The following HEATR6 variants were observed in gnomAD, a reference collection of about 807,000 sequenced individuals.
HEATR6 encodes the protein HEAT repeat-containing protein 6.
A neutral mutation model predicts 132.8 loss-of-function variants in HEATR6; 106 were observed. That is an observed-to-expected ratio of 0.80 (90% CI 0.68 to 0.94). HEATR6 has a LOEUF of 0.94. HEATR6 is among the 40% of genes least tolerant of loss of function. The pLI, the probability that HEATR6 is intolerant of heterozygous loss-of-function variation, is 0.00. For missense variants in HEATR6, 1,339 were observed against 1,425.1 expected (o/e 0.94, Z 0.97); for synonymous variants, 529 against 537.8 (o/e 0.98, Z 0.23).
intron 8 of HEATR6, 137 bp from the exon 9 acceptor site, chr17:60,066,523 G>A (rs1455014436): frequency 7.5e-6 from 5 of 665,536 alleles, no homozygotes; most frequent in African/African-American, 7.4e-5. Flanking sequence ...AATTCCTAAA[G>A]ATGTCAATGT....
At chr17:60,072,529 A>G (rs1394916220) in intron 4 of HEATR6, among the ~76,000 whole-genome samples, 200 bp from the exon 5 acceptor site, 1 of 152,226 alleles carries the variant, frequency 6.6e-6, no homozygotes, top group Non-Finnish European at 1.5e-5. Flanking sequence ...ATATAGAGGA[A>G]GGGTGGTTTC....
intron 11 of HEATR6, among the ~76,000 whole-genome samples, chr17:60,058,534 G>A (rs900523282): frequency 1.3e-5 from 2 of 152,116 alleles, no homozygotes; most frequent in African/African-American, 4.8e-5. Context: ...GAAACCTTAG[G>A]GTAAGACTTA....
rs1178098856 is a variant in HEATR6 at position 60,050,914 on chromosome 17, G to T, written c.2353C>A (p.His785Asn). The change falls in exon 15 of 20, where the codon CAC (histidine) becomes AAC (asparagine). Residue 785 changes from histidine to asparagine, a missense_variant. His to Asn is a moderately conservative substitution (Grantham distance 68). Coordinates refer to ENST00000184956, the MANE Select transcript of HEATR6 (RefSeq NM_022070.5). ...CAGGCGCTCGCCTGGAGAGTTGGGT[G>T]TTCTGAATTCTGCAGGGCTCTGGGT... ...PLPRALQNSE[H>N]PTLQASACDA... 1.2e-6 allele frequency: 2 copies of T among 1,614,154 alleles called. No homozygotes were observed. The highest frequency in any genetic ancestry group is 2.2e-5 in the South Asian group (2 of 91,086).
At chr17:60,070,451 G>A (rs2083264637) in intron 6 of HEATR6, among the ~76,000 whole-genome samples, 1 of 151,976 alleles carries the variant, frequency 6.6e-6, no homozygotes, top group Non-Finnish European at 1.5e-5. Flanking sequence ...ATATTCTATA[G>A]GTCATACTCC....
chr17:60,073,037 C>A, intron 4 of HEATR6, 127 bp downstream of exon 4: 1 of 574,200 alleles, frequency 1.7e-6, no homozygotes. Flanking sequence ...TAGTAAAGTA[C>A]ATGGGAAATG....
intron 4 of HEATR6, 42 bp downstream of exon 4, chr17:60,073,122 A>C (rs756949792): frequency 8.6e-7 from 1 of 1,157,352 alleles, no homozygotes; most frequent in South Asian, 1.2e-5. Flanking sequence ...CAATAGAGGC[A>C]CTATCTTATT....
intron 18 of HEATR6, 104 bp downstream of exon 18, chr17:60,047,205 G>T: frequency 1.4e-6 from 1 of 693,314 alleles, no homozygotes; most frequent in East Asian, 2.7e-5. Context: ...GAGTACATTT[G>T]GTGGGACAGT....
intron 4 of HEATR6, among the ~76,000 whole-genome samples, chr17:60,072,589 A>G (rs549315135): frequency 6.6e-6 from 1 of 152,328 alleles, no homozygotes; most frequent in African/African-American, 2.4e-5. Flanking sequence ...TGGAGAAAGA[A>G]AAATCTTGTT....
intron 11 of HEATR6, 59 bp downstream of exon 11, chr17:60,059,363 T>C (rs1314518613): frequency 1.1e-6 from 1 of 945,378 alleles, no homozygotes; most frequent in East Asian, 2.4e-5. Context: ...TGTATATTTT[T>C]ACTAATAGTC....
chr17:60,070,524 G>C (rs1026049668), intron 6 of HEATR6, among the ~76,000 whole-genome samples, 182 bp downstream of exon 6: 4 of 152,044 alleles, frequency 2.6e-5, no homozygotes, highest in African/African-American at 9.7e-5. Context: ...TTATTAAATG[G>C]AGATTTATTT....
rs1159635292 is a variant in HEATR6 at position 60,048,971 on chromosome 17, ACATATATATATAATAT to A, written c.2547+593_2548-584del. The stretch of plus-strand genomic sequence containing the variant: ...AGTAATTAAAAATTAAAAATAAATA[ACATATATATATAATAT>A]ATATATATATATATATATATATATA... On this transcript the variant is annotated intron_variant, in intron 16 of 19. Transcript: ENST00000184956. Among the ~76,000 whole-genome samples the A allele has an allele frequency of 5.0e-3, 534 of 106,504 alleles. 7 individuals are homozygous for A. Among genetic ancestry groups the A allele is most frequent in the East Asian group, 0.011 (39 of 3,632 alleles). The allele number at this position is 106,504 out of a possible 152,430, so 69.9% of individuals were successfully genotyped here.
intron 4 of HEATR6, 61 bp downstream of exon 4, chr17:60,073,103 C>T (rs1186640257): frequency 1.0e-6 from 1 of 956,920 alleles, no homozygotes; most frequent in South Asian, 1.4e-5. Flanking sequence ...GAACTACCTA[C>T]AAAGGGCCCA....
chr17:60,046,728 A>G (rs908106387), intron 18 of HEATR6, among the ~76,000 whole-genome samples: 2 of 152,192 alleles, frequency 1.3e-5, no homozygotes, highest in African/African-American at 4.8e-5. Flanking sequence ...GGTGATTACC[A>G]GATTTTCAGA....
chr17:60,073,629 G>T, intron 3 of HEATR6, 117 bp downstream of exon 3: 1 of 950,594 alleles, frequency 1.1e-6, no homozygotes, highest in Non-Finnish European at 1.6e-6. Context: ...ACAAGGCCCA[G>T]AGTGGTTGAA....
chr17:60,051,526 T>G (rs1429445607), intron 14 of HEATR6, among the ~76,000 whole-genome samples: 2 of 152,206 alleles, frequency 1.3e-5, no homozygotes, highest in East Asian at 3.9e-4. Context: ...TAAAATGTAA[T>G]ATTCTGTGTA....
chr17:60,046,001 G>C, intron 19 of HEATR6, 24 bp downstream of exon 19: 1 of 1,545,116 alleles, frequency 6.5e-7, no homozygotes, highest in Non-Finnish European at 8.9e-7. Flanking sequence ...CTTTCCACCA[G>C]GGAGTGAAGG....
In HEATR6 at chr17:60,048,399, A is replaced by G. The variant is rs1264307232; in HGVS notation, c.2548-11T>C. On this transcript the variant is annotated splice_polypyrimidine_tract_variant and intron_variant, in intron 16 of 19. Coordinates refer to ENST00000184956, the MANE Select transcript of HEATR6 (RefSeq NM_022070.5). ...AACAAATATGACATCCTGTAACACA[A>G]AACAAAACACTGCAGTTACTTTAGC... 6.2e-7 allele frequency: 1 copy of G among 1,606,258 alleles called. No individual in the cohort carries two copies. The highest frequency in any genetic ancestry group is 2.2e-5 in the East Asian group (1 of 44,740).
At position 60,056,186 on chromosome 17, in the gene HEATR6, T is replaced by C. The variant is rs1401481006; in HGVS notation, c.2131A>G (p.Met711Val). 1 of 1,614,120 alleles carries C rather than the reference T, an allele frequency of 6.2e-7. No individual in the cohort carries two copies. The highest frequency in any genetic ancestry group is 8.5e-7 in the Non-Finnish European group (1 of 1,179,994). Residue 711 changes from methionine (M) to valine (V), a missense_variant, in exon 13 of 20, where the codon ATG becomes GTG. Transcript: ENST00000184956. ...GYFSMTQAYLMELGEVICKCM... is the reference protein window; with the variant it reads ...GYFSMTQAYLVELGEVICKCM... ...TTGCAAATCACCTCTCCAAGCTCCA[T>C]CAAGTAGGCTTGAGTCATTGAAAAG...
At chr17:60,048,469 A>C in intron 16 of HEATR6, 81 bp from the exon 17 acceptor site, 5 of 1,370,214 alleles carry the variant, frequency 3.6e-6, no homozygotes, top group Non-Finnish European at 4.0e-6. Context: ...TTTCAGATAA[A>C]GCTAGAAGCC....
Sources: gnomAD v4.1 joint callset for allele counts (sites outside exome capture counted in the v4.1 genomes callset) on GRCh38, gnomAD v4.1.1 for gene constraint, MANE v1.5 for transcripts, NCBI Gene and HGNC (gene_info 2026-07-23, HGNC 2026-07-21) for gene names.